The following SNTB1 variants were observed in gnomAD, a reference collection of about 807,000 sequenced individuals.
SNTB1 encodes the protein syntrophin beta 1.
A neutral mutation model predicts 48.9 loss-of-function variants in SNTB1; 36 were observed. The observed-to-expected ratio is 0.74, with a 90% confidence interval of 0.56 to 0.97. The LOEUF (loss-of-function observed/expected upper bound fraction) is 0.97, where lower values mean the gene tolerates loss of function less well. Ranked by LOEUF, SNTB1 falls within the 50% of genes least tolerant of loss-of-function variation. The pLI is 0.00. For missense variants in SNTB1, 786 were observed against 703.4 expected (o/e 1.12, Z -1.33); for synonymous variants, 299 against 294.6 (o/e 1.01, Z -0.15).
chr8:120,673,226 A>G (rs1376336202), intron 2 of SNTB1, among the ~76,000 whole-genome samples: 1 of 152,048 alleles, frequency 6.6e-6, no homozygotes, highest in Non-Finnish European at 1.5e-5. Flanking sequence ...TTCTCTGCTA[A>G]AATGCCCCAA....
At chr8:120,661,110 A>T (rs984868732) in intron 2 of SNTB1, among the ~76,000 whole-genome samples, 1 of 152,188 alleles carries the variant, frequency 6.6e-6, no homozygotes, top group African/African-American at 2.4e-5. Flanking sequence ...AATGTGACAC[A>T]GAGATACAAA....
At chr8:120,783,697 A>G (rs184367206) in intron 1 of SNTB1, among the ~76,000 whole-genome samples, 6 of 152,288 alleles carry the variant, frequency 3.9e-5, no homozygotes, top group African/African-American at 1.4e-4. Flanking sequence ...AAAGAAGAAC[A>G]ATCAGTAAAC....
At chr8:120,742,040 A>G (rs1232693535) in intron 1 of SNTB1, among the ~76,000 whole-genome samples, 1 of 152,238 alleles carries the variant, frequency 6.6e-6, no homozygotes, top group African/African-American at 2.4e-5. Context: ...TTGAGGAAGT[A>G]AAAGTTTAAT....
At chr8:120,638,555 A>G (rs1817122615) in intron 2 of SNTB1, among the ~76,000 whole-genome samples, 1 of 149,324 alleles carries the variant, frequency 6.7e-6, no homozygotes, top group Non-Finnish European at 1.5e-5. Flanking sequence ...TCCCCTCCTC[A>G]CTCCCCTCAC....
rs35915373 is a variant in SNTB1, at chr8:120,755,171, TGAGAGAGA to T, written c.571+56094_571+56101del. 5.6e-3 allele frequency among the ~76,000 whole-genome samples: 516 copies of T among 92,946 alleles called. 20 individuals carry two copies. The East Asian group carries it at 0.078, about 14-fold the overall frequency. 61.0% of individuals were successfully genotyped at this position (92,946 alleles called of 152,430 possible). ...GTGTGTGTGTGTGTGTGTGTGTGTG[TGAGAGAGA>T]GAGAGAGAGCGAGAGAGAGAGAAGA... On this transcript the variant is annotated intron_variant, in intron 1 of 6. Coordinates refer to ENST00000517992, the MANE Select transcript of SNTB1 (RefSeq NM_021021.4).
chr8:120,652,524 CT>C (rs371451366), intron 2 of SNTB1, among the ~76,000 whole-genome samples: 157 of 145,778 alleles, frequency 1.1e-3, no homozygotes, highest in Middle Eastern at 3.6e-3. Context: ...TGCTACATTC[CT>C]TTTTTTTTTT....
chr8:120,620,520 A>T (rs528452713), intron 3 of SNTB1, among the ~76,000 whole-genome samples: 2 of 152,024 alleles, frequency 1.3e-5, no homozygotes, highest in African/African-American at 2.4e-5. Flanking sequence ...TATTCATTCG[A>T]TAAGTTCTTA....
chr8:120,631,410 C>CTAAGTTTTTAG (rs1563836118), intron 3 of SNTB1, among the ~76,000 whole-genome samples: 9 of 152,248 alleles, frequency 5.9e-5, no homozygotes, highest in African/African-American at 2.2e-4. Flanking sequence ...CTAAGACCCG[C>CTAAGTTTTTAG]GCATGATCTG....
chr8:120,670,270 T>G (rs545262372), intron 2 of SNTB1, among the ~76,000 whole-genome samples: 2 of 152,290 alleles, frequency 1.3e-5, no homozygotes, highest in South Asian at 4.1e-4. Flanking sequence ...TTGAAGACAG[T>G]GTAATACGAT....
At chr8:120,569,968 C>T (rs946433922) in intron 4 of SNTB1, among the ~76,000 whole-genome samples, 7 of 152,164 alleles carry the variant, frequency 4.6e-5, no homozygotes, top group Non-Finnish European at 1.5e-5. Flanking sequence ...CTCTTTTTGT[C>T]CTTCCCCTCC....
chr8:120,660,518 G>T (rs1160239410), intron 2 of SNTB1, among the ~76,000 whole-genome samples: 1 of 152,218 alleles, frequency 6.6e-6, no homozygotes, highest in East Asian at 1.9e-4. Flanking sequence ...TTAGGCTTTA[G>T]CTTAAGGAAA....
At chr8:120,801,106 A>G (rs967324650) in intron 1 of SNTB1, among the ~76,000 whole-genome samples, 1 of 152,048 alleles carries the variant, frequency 6.6e-6, no homozygotes, top group Admixed American at 6.6e-5. Context: ...TTTGATTTAG[A>G]AAAATTCTAA....
At chr8:120,636,014 T>C in intron 2 of SNTB1, 1 of 986,612 alleles carries the variant, frequency 1.0e-6, no homozygotes, top group Non-Finnish European at 1.4e-6. Flanking sequence ...AGAAGATCTT[T>C]TGCAAGATGG....
At chr8:120,603,769 G>C (rs1254163810) in intron 3 of SNTB1, among the ~76,000 whole-genome samples, 2 of 152,294 alleles carry the variant, frequency 1.3e-5, no homozygotes, top group African/African-American at 4.8e-5. Flanking sequence ...GTTTCATTCA[G>C]AAGTCACCTC....
At chr8:120,776,023 A>G (rs1317623696) in intron 1 of SNTB1, among the ~76,000 whole-genome samples, 1 of 152,242 alleles carries the variant, frequency 6.6e-6, no homozygotes, top group Non-Finnish European at 1.5e-5. Context: ...TGTGGAAGAC[A>G]GTGTGGCAAT....
chr8:120,634,970 G>T (rs1358109966), intron 2 of SNTB1, among the ~76,000 whole-genome samples: 1 of 151,654 alleles, frequency 6.6e-6, no homozygotes, highest in East Asian at 1.9e-4. Flanking sequence ...TCCTGCCTCA[G>T]CCTCCCGAGT....
intron 3 of SNTB1, among the ~76,000 whole-genome samples, chr8:120,615,751 TCGAA>T (rs1346219321): frequency 6.6e-6 from 1 of 152,216 alleles, no homozygotes; most frequent in Non-Finnish European, 1.5e-5. Context: ...CCAGTTTGAA[TCGAA>T]CGGAGGTAAA....
chr8:120,679,372 G>T (rs754917496), intron 2 of SNTB1, among the ~76,000 whole-genome samples: 2 of 152,108 alleles, frequency 1.3e-5, no homozygotes, highest in Non-Finnish European at 2.9e-5. Context: ...CTCAATTTAG[G>T]CAATATCTCC....
chr8:120,636,488 C>T (rs1292053527), intron 2 of SNTB1, among the ~76,000 whole-genome samples: 5 of 130,922 alleles, frequency 3.8e-5, no homozygotes, highest in Admixed American at 1.7e-4. Flanking sequence ...TGAGAATATG[C>T]GGTGTTTGGT....
Sources: allele counts gnomAD v4.1 joint callset (sites outside exome capture counted in the v4.1 genomes callset), GRCh38; gene constraint gnomAD v4.1.1; transcripts MANE v1.5; gene names NCBI Gene and HGNC (gene_info 2026-07-23, HGNC 2026-07-21).